Variants in ACOT13 observed in about 807,000 individuals in gnomAD.
ACOT13 encodes acyl-coenzyme A thioesterase 13.
Under a neutral mutation model 11.8 loss-of-function variants are expected in ACOT13, and 10 were observed. That is an observed-to-expected ratio of 0.85 (90% confidence interval 0.53 to 1.44). The LOEUF (loss-of-function observed/expected upper bound fraction) is 1.44. Ranked by LOEUF, ACOT13 falls within the 40% of genes most tolerant of loss-of-function variation. The pLI is 0.00. For missense variants in ACOT13, 172 were observed against 174.1 expected, an observed-to-expected ratio of 0.99 and a Z score of 0.07; for synonymous variants, 53 against 61.0, an observed-to-expected ratio of 0.87 and a Z score of 0.61.
intron 2 of ACOT13, among the ~76,000 whole-genome samples, chr6:24,698,579 GTAAAGT>G (rs1323507344): frequency 1.3e-5 from 2 of 151,372 alleles, no homozygotes; most frequent in South Asian, 2.1e-4. Context: ...ACAATTCAAA[GTAAAGT>G]TAGAGTTCAT....
rs539791274 is a variant in ACOT13, at chr6:24,699,840, G to A, written c.267-1619G>A. Among the ~76,000 whole-genome samples the A allele has an allele frequency of 1.2e-3, 189 of 152,264 alleles. 1 individual carries two copies. The highest frequency in any genetic ancestry group is 4.5e-3 in the African/African-American group (185 of 41,546). ...GGTACTTTTGCCTTTAGAACCCTAA[G>A]GAATTTTCAGTAAGTCAAACATAGT... On this transcript the variant is annotated intron_variant, in intron 2 of 2. Coordinates refer to ENST00000230048, the MANE Select transcript of ACOT13 (RefSeq NM_018473.4).
chr6:24,696,593 G>C (rs1335931301), intron 1 of ACOT13, among the ~76,000 whole-genome samples: 2 of 152,052 alleles, frequency 1.3e-5, no homozygotes, highest in African/African-American at 4.8e-5. Context: ...TATTCTTCCT[G>C]AACACCTCTA....
intron 1 of ACOT13, among the ~76,000 whole-genome samples, chr6:24,694,927 A>G (rs906212995): frequency 6.6e-6 from 1 of 152,162 alleles, no homozygotes; most frequent in Non-Finnish European, 1.5e-5. Context: ...TCTAACTGAC[A>G]TTTGTCTTAC....
In ACOT13 at chr6:24,703,990, TGA is replaced by T; in HGVS notation, c.*2378_*2379del. On this transcript the variant is annotated 3_prime_UTR_variant, in exon 3 of 3. Transcript: ENST00000230048. ...GGAACTGTTCCACATTAAAGACAAC[TGA>T]GAACAACTAAATTCAATGATCCTGT... 2 of 152,208 alleles carry T rather than the reference TGA, an allele frequency of 1.3e-5. No individual in the cohort carries two copies. The highest frequency in any genetic ancestry group is 1.3e-4 in the Admixed American group (2 of 15,276). The allele number at this position is 152,208 out of a possible 1,614,324, so 9.4% of individuals were successfully genotyped here.
intron 1 of ACOT13, among the ~76,000 whole-genome samples, chr6:24,694,619 C>A (rs962410868): frequency 6.6e-6 from 1 of 152,136 alleles, no homozygotes; most frequent in Admixed American, 6.5e-5. Flanking sequence ...CTCCCTACTC[C>A]CCTTCCTCAT....
rs548965708 is a variant in ACOT13 at position 24,668,332 on chromosome 6, C to T, written c.81+988C>T. ...CTCCTGGGTTCAAGTGATTCTCATG[C>T]CTCAGCCTTCCAAGTAGCTGGGATG... is the stretch of plus-strand genomic sequence containing the variant. On this transcript the variant is annotated intron_variant, in intron 1 of 2. Coordinates refer to ENST00000230048, the MANE Select transcript of ACOT13 (RefSeq NM_018473.4). Among the ~76,000 whole-genome samples, 10 of 152,168 alleles carry T rather than the reference C, an allele frequency of 6.6e-5. No homozygotes were observed. The East Asian group carries it at 1.9e-3, about 29-fold the overall frequency.
In ACOT13 at chr6:24,703,955, T is replaced by C. The variant is rs1778942228; in HGVS notation, c.*2340T>C. The stretch of plus-strand genomic sequence containing the variant: ...AAAAACATAGAGGTCATGGAACACA[T>C]AAAGGCTAAGGAACTGTTCCACATT... On this transcript the variant is annotated 3_prime_UTR_variant, in exon 3 of 3. Transcript: ENST00000230048. 1 of 152,008 alleles carries C rather than the reference T, an allele frequency of 6.6e-6. No homozygotes were observed. Among genetic ancestry groups the C allele is most frequent in the African/African-American group, 2.4e-5 (1 of 41,384 alleles). The allele number at this position is 152,008 out of a possible 1,614,324, so 9.4% of individuals were successfully genotyped here. A position where few individuals can be genotyped will look rare whatever the true frequency, so the allele number is the denominator to read the frequency against.
At chr6:24,677,408 A>G (rs560678350) in intron 1 of ACOT13, among the ~76,000 whole-genome samples, 5 of 152,360 alleles carry the variant, frequency 3.3e-5, no homozygotes, top group African/African-American at 1.2e-4. Flanking sequence ...ATGTTCACAC[A>G]GTAAGATCTC....
intron 1 of ACOT13, among the ~76,000 whole-genome samples, chr6:24,689,195 T>C (rs1280087080): frequency 3.3e-5 from 5 of 151,958 alleles, no homozygotes; most frequent in African/African-American, 9.7e-5. Context: ...ATACTCTTAA[T>C]ACCCAGCTAT....
chr6:24,668,217 T>G (rs1056255322), intron 1 of ACOT13, among the ~76,000 whole-genome samples: 6 of 148,762 alleles, frequency 4.0e-5, no homozygotes, highest in African/African-American at 1.5e-4. Flanking sequence ...CTTGAAGGTG[T>G]TTGTTGTTGT....
chr6:24,672,073 A>G (rs1003764522), intron 1 of ACOT13, among the ~76,000 whole-genome samples: 2 of 152,246 alleles, frequency 1.3e-5, no homozygotes, highest in Non-Finnish European at 2.9e-5. Flanking sequence ...AGAAAAAGAC[A>G]TAATTTATAA....
At chr6:24,674,553 C>T (rs796779824) in intron 1 of ACOT13, among the ~76,000 whole-genome samples, 32 of 152,048 alleles carry the variant, frequency 2.1e-4, no homozygotes, top group African/African-American at 7.2e-4. Context: ...GGATTACAGG[C>T]GCCTGCCACC....
At chr6:24,679,268 G>T (rs554227871) in intron 1 of ACOT13, among the ~76,000 whole-genome samples, 1 of 151,962 alleles carries the variant, frequency 6.6e-6, no homozygotes, top group Admixed American at 6.6e-5. Context: ...TGCTTCTCCT[G>T]ATCTGTATTA....
chr6:24,674,490 C>T (rs1187192403), intron 1 of ACOT13, among the ~76,000 whole-genome samples: 1 of 152,166 alleles, frequency 6.6e-6, no homozygotes, highest in Non-Finnish European at 1.5e-5. Context: ...CTGAGTGCAG[C>T]GTCTGCTTCC....
chr6:24,673,722 C>CA (rs1778398439), intron 1 of ACOT13, among the ~76,000 whole-genome samples: 1 of 152,080 alleles, frequency 6.6e-6, no homozygotes, highest in African/African-American at 2.4e-5. Context: ...TTTTTCTAAC[C>CA]AATAATTTCG....
intron 1 of ACOT13, among the ~76,000 whole-genome samples, chr6:24,696,211 G>C (rs1436660088): frequency 2.0e-5 from 3 of 152,062 alleles, no homozygotes; most frequent in Non-Finnish European, 2.9e-5. Context: ...TTTTCCTTCA[G>C]GGCCTTCAAC....
intron 1 of ACOT13, chr6:24,687,823 T>C: frequency 1.1e-6 from 1 of 942,124 alleles, no homozygotes; most frequent in Non-Finnish European, 1.5e-6. Flanking sequence ...GTATTTCTCC[T>C]GCTTCAGCCT....
At chr6:24,699,751 C>G (rs1439811270) in intron 2 of ACOT13, among the ~76,000 whole-genome samples, 1 of 152,174 alleles carries the variant, frequency 6.6e-6, no homozygotes, top group Non-Finnish European at 1.5e-5. Flanking sequence ...TTGATTTTCC[C>G]TAAAAGTCTC....
In ACOT13 at chr6:24,704,561, C is replaced by G. The variant is rs755238257; in HGVS notation, c.*2946C>G. 4.6e-5 allele frequency: 7 copies of G among 152,166 alleles called. No individual in the cohort carries two copies. The highest frequency in any genetic ancestry group is 8.8e-5 in the Non-Finnish European group (6 of 68,030). The allele number at this position is 152,166 out of a possible 1,614,324, so 9.4% of individuals were successfully genotyped here. On this transcript the variant is annotated 3_prime_UTR_variant, in exon 3 of 3. Coordinates refer to ENST00000230048, the MANE Select transcript of ACOT13 (RefSeq NM_018473.4). The stretch of plus-strand genomic sequence containing the variant: ...TTAAGACAAGAGCTTAGAAGAGTAC[C>G]TGGTTATAATAAACATTCAAAATGT...
Sources: allele counts gnomAD v4.1 joint callset (sites outside exome capture counted in the v4.1 genomes callset), GRCh38; gene constraint gnomAD v4.1.1; transcripts MANE v1.5; gene names NCBI Gene and HGNC (gene_info 2026-07-23, HGNC 2026-07-21).